Variants in HMGA2 observed in about 807,000 individuals in gnomAD.
HMGA2 encodes the protein high mobility group AT-hook 2.
Under a neutral mutation model 19.1 loss-of-function variants are expected in HMGA2, and 8 were observed. That is an observed-to-expected ratio of 0.42 (90% CI 0.25 to 0.76). HMGA2 has a LOEUF of 0.76. Among genes scored for constraint, HMGA2 ranks in the 30% least tolerant of loss-of-function variants. The pLI, the probability that HMGA2 is intolerant of heterozygous loss-of-function variation, is 0.28. For synonymous variants in HMGA2, 60 were observed against 48.8 expected, an observed-to-expected ratio of 1.23 and a Z score of -0.96; for missense variants, 109 against 136.3, an observed-to-expected ratio of 0.80 and a Z score of 1.00.
At chr12:65,915,354 ATTTG>A in intron 3 of HMGA2, 2 of 1,343,960 alleles carry the variant, frequency 1.5e-6, no homozygotes, top group South Asian at 1.5e-5. Context: ...CCTTGTACGA[ATTTG>A]AAAAAAGTAC....
chr12:65,828,380 G>A, intron 2 of HMGA2: 2 of 232,544 alleles, frequency 8.6e-6, no homozygotes, highest in South Asian at 6.6e-5. Flanking sequence ...TGCGGGGGGG[G>A]CGGGATGAAA....
chr12:65,910,933 G>A (rs1226319193), intron 3 of HMGA2, among the ~76,000 whole-genome samples: 1 of 152,188 alleles, frequency 6.6e-6, no homozygotes, highest in East Asian at 1.9e-4. Context: ...GTCACTGAAT[G>A]CCAGTGGTTA....
intron 3 of HMGA2, chr12:65,881,623 C>CGAAGGAGGGAGG (rs1873392600): frequency 3.2e-6 from 2 of 619,444 alleles, no homozygotes; most frequent in Admixed American, 4.7e-5. Flanking sequence ...CCAGAGGGAG[C>CGAAGGAGGGAGG]GAAGGAGGGA....
intron 3 of HMGA2, chr12:65,857,077 T>G (rs1871784465): frequency 6.6e-6 from 1 of 152,236 alleles, no homozygotes; most frequent in African/African-American, 2.4e-5. Flanking sequence ...TAATGCATAA[T>G]GAGAAACTGC....
chr12:65,943,128 C>T (rs1188410573), intron 3 of HMGA2, among the ~76,000 whole-genome samples: 1 of 152,144 alleles, frequency 6.6e-6, no homozygotes, highest in South Asian at 2.1e-4. Context: ...TCATTTGTCT[C>T]CCCCATTAGA....
chr12:65,940,644 C>T (rs1212133601), intron 3 of HMGA2, among the ~76,000 whole-genome samples: 2 of 152,082 alleles, frequency 1.3e-5, no homozygotes, highest in Non-Finnish European at 2.9e-5. Context: ...ACAGAATATG[C>T]TGAATAATTG....
At chr12:65,904,764 AG>A (rs1874514433) in intron 3 of HMGA2, among the ~76,000 whole-genome samples, 1 of 152,210 alleles carries the variant, frequency 6.6e-6, no homozygotes, top group Admixed American at 6.5e-5. Context: ...TAAATTATAG[AG>A]TGAAACTGTA....
At chr12:65,926,169 G>T (rs1384493283) in intron 3 of HMGA2, among the ~76,000 whole-genome samples, 1 of 152,172 alleles carries the variant, frequency 6.6e-6, no homozygotes, top group Non-Finnish European at 1.5e-5. Context: ...GGGAAGCTCG[G>T]ATTTTTGAAA....
intron 3 of HMGA2, among the ~76,000 whole-genome samples, chr12:65,869,029 A>C (rs1233656397): frequency 1.3e-5 from 2 of 152,188 alleles, no homozygotes; most frequent in Admixed American, 6.5e-5. Flanking sequence ...TGGCATTGGT[A>C]AGCCGCTACA....
At chr12:65,848,717 G>A (rs964041872) in intron 3 of HMGA2, among the ~76,000 whole-genome samples, 4 of 152,064 alleles carry the variant, frequency 2.6e-5, no homozygotes, top group East Asian at 1.9e-4. Flanking sequence ...TTAGCCGGGC[G>A]CGGTGGCGGG....
intron 3 of HMGA2, among the ~76,000 whole-genome samples, chr12:65,883,245 T>G (rs1194991610): frequency 6.6e-6 from 1 of 152,210 alleles, no homozygotes; most frequent in Non-Finnish European, 1.5e-5. Flanking sequence ...TGATCTTGCC[T>G]CCTTAGACCC....
chr12:65,900,015 C>A (rs7958929), intron 3 of HMGA2, among the ~76,000 whole-genome samples: 1 of 152,040 alleles, frequency 6.6e-6, no homozygotes. Flanking sequence ...ATATTTTGTA[C>A]TTTTAAAATC....
intron 3 of HMGA2, among the ~76,000 whole-genome samples, chr12:65,899,980 G>C (rs562098408): frequency 2.6e-5 from 4 of 152,314 alleles, no homozygotes; most frequent in South Asian, 2.1e-4. Flanking sequence ...AAAGAGGAGG[G>C]AAACCTTTCG....
chr12:65,965,083 TAGAA>T lies in HMGA2; in HGVS notation c.*1794_*1797del, dbSNP rs1441663744. The T allele has an allele frequency of 1.0e-5, 2 of 191,688 alleles. No individual in the cohort carries two copies. The highest frequency in any genetic ancestry group is 1.2e-4 in the Admixed American group (2 of 16,296). 11.9% of individuals were successfully genotyped at this position (191,688 alleles called of 1,614,324 possible). ...AACTATTTTTGTAAAAGACATTTGA[TAGAA>T]AGGAACACGTTTTTACATACTTTTG... On this transcript the variant is annotated 3_prime_UTR_variant, in exon 5 of 5. Coordinates refer to ENST00000403681, the MANE Select transcript of HMGA2 (RefSeq NM_003483.6).
At chr12:65,850,997 C>T (rs150096846) in intron 3 of HMGA2, among the ~76,000 whole-genome samples, 1 of 152,314 alleles carries the variant, frequency 6.6e-6, no homozygotes, top group East Asian at 1.9e-4. Flanking sequence ...CAGAGAACAT[C>T]TGCTATGTTC....
At chr12:65,850,157 C>T (rs1871401496) in intron 3 of HMGA2, among the ~76,000 whole-genome samples, 1 of 152,076 alleles carries the variant, frequency 6.6e-6, no homozygotes, top group Non-Finnish European at 1.5e-5. Context: ...TACATAAAAC[C>T]ATTTAAAATC....
In HMGA2 at chr12:65,844,591, C is replaced by T. The variant is rs1450042231; in HGVS notation, c.249+6022C>T. 2.6e-5 allele frequency among the ~76,000 whole-genome samples: 4 copies of T among 152,228 alleles called. No homozygotes were observed. In the East Asian group the frequency reaches 7.7e-4, roughly 29 times the overall value. On this transcript the variant is annotated intron_variant, in intron 3 of 4. Transcript: ENST00000403681. ...TCATGTTTTGATTCAATACTAACAT[C>T]TTTTTCATTTGTTTTAATATGTAAG... is the stretch of plus-strand genomic sequence containing the variant.
In HMGA2 at chr12:65,824,721, C is replaced by CTCTCTCTCTCTCTG; in HGVS notation, c.-537_-536insGTCTCTCTCTCTCT. 1.0e-5 allele frequency: 1 copy of CTCTCTCTCTCTCTG among 98,024 alleles called. No individual in the cohort carries two copies. Among genetic ancestry groups the CTCTCTCTCTCTCTG allele is most frequent in the African/African-American group, 4.4e-5 (1 of 22,916 alleles). 6.1% of individuals were successfully genotyped at this position (98,024 alleles called of 1,614,324 possible). A position where few individuals can be genotyped will look rare whatever the true frequency, so the allele number is the denominator to read the frequency against. On this transcript the variant is annotated 5_prime_UTR_variant, in exon 1 of 5. Transcript: ENST00000403681. ...CTTTCAATCTCAATCTCTTCTCTCTCTCTCTCTCTCTCTCTCTCTCTCTCT... is the reference window on the plus strand; with the variant it reads ...CTTTCAATCTCAATCTCTTCTCTCTCTCTCTCTCTCTCTGTCTCTCTCTCTCTCTCTCTCTCTCT...
At chr12:65,952,334 A>C in intron 4 of HMGA2, 1 of 1,524,352 alleles carries the variant, frequency 6.6e-7, no homozygotes, top group Non-Finnish European at 8.8e-7. Context: ...TTACAAATCT[A>C]CCTTGCATCC....
Sources: allele counts gnomAD v4.1 joint callset (sites outside exome capture counted in the v4.1 genomes callset), GRCh38; gene constraint gnomAD v4.1.1; transcripts MANE v1.5; gene names NCBI Gene and HGNC (gene_info 2026-07-23, HGNC 2026-07-21).